Variants in DZANK1 observed in about 807,000 individuals in gnomAD.
DZANK1 encodes double zinc ribbon and ankyrin repeat domains 1, also known as double zinc ribbon and ankyrin repeat-containing protein 1.
A neutral mutation model predicts 94.5 loss-of-function variants in DZANK1; 91 were observed. The observed-to-expected ratio is 0.96, with a 90% CI of 0.81 to 1.15. The LOEUF (loss-of-function observed/expected upper bound fraction) is 1.15, where lower values mean the gene tolerates loss of function less well. DZANK1 is among the 50% of genes most tolerant of loss of function. The pLI is 0.00. For missense variants in DZANK1, 903 were observed against 916.4 expected (o/e 0.99, Z 0.19); for synonymous variants, 312 against 325.3 (o/e 0.96, Z 0.44).
At position 18,433,949 on chromosome 20, in the gene DZANK1, T is replaced by G. The variant is rs547934319; in HGVS notation, c.748-184A>C. The G allele has an allele frequency of 5.9e-5, 33 of 556,208 alleles. 1 individual carries two copies. The South Asian group carries it at 8.6e-4, about 14-fold the overall frequency. The allele number at this position is 556,208 out of a possible 1,614,324, so 34.5% of individuals were successfully genotyped here. ...GGAAGAATGTAAAGTTTGATTTGTT[T>G]TTGTAAAACAATTTTTTAAATAATT... On this transcript the variant is annotated intron_variant, in intron 8 of 20. Transcript: ENST00000262547.
At chr20:18,385,606 C>T (rs1336042285) in intron 19 of DZANK1, among the ~76,000 whole-genome samples, 2 of 152,092 alleles carry the variant, frequency 1.3e-5, no homozygotes, top group Middle Eastern at 3.4e-3. Flanking sequence ...TTAATAGAGA[C>T]GGGGTTTCAC....
At chr20:18,439,210 T>C (rs2058640064) in intron 8 of DZANK1, among the ~76,000 whole-genome samples, 1 of 152,208 alleles carries the variant, frequency 6.6e-6, no homozygotes, top group Admixed American at 6.5e-5. Flanking sequence ...TTTGGGCATT[T>C]CCTTTTCCCC....
intron 6 of DZANK1, among the ~76,000 whole-genome samples, chr20:18,450,154 C>T (rs1309359611): frequency 1.3e-5 from 2 of 152,192 alleles, no homozygotes; most frequent in South Asian, 4.1e-4. Flanking sequence ...TTCTCAAAAA[C>T]TGTATCTCTA....
intron 19 of DZANK1, among the ~76,000 whole-genome samples, chr20:18,386,934 T>C (rs1568862214): frequency 6.6e-6 from 1 of 152,222 alleles, no homozygotes; most frequent in Non-Finnish European, 1.5e-5. Context: ...GGCTATGCTG[T>C]GTGCCAGTGT....
chr20:18,436,324 G>T (rs982013596), intron 8 of DZANK1, among the ~76,000 whole-genome samples: 1 of 150,654 alleles, frequency 6.6e-6, no homozygotes, highest in African/African-American at 2.4e-5. Flanking sequence ...GGCGCCTGTA[G>T]TCCCAGCTAC....
At chr20:18,448,909 G>GT (rs2058988682) in intron 7 of DZANK1, 75 bp downstream of exon 7, 1 of 1,134,878 alleles carries the variant, frequency 8.8e-7, no homozygotes, top group Non-Finnish European at 1.3e-6. Flanking sequence ...CAAAAATGTC[G>GT]TATCTTTAAA....
intron 10 of DZANK1, among the ~76,000 whole-genome samples, chr20:18,418,700 C>T (rs2057619597): frequency 6.6e-6 from 1 of 151,974 alleles, no homozygotes; most frequent in South Asian, 2.1e-4. Flanking sequence ...CAAAATTGAT[C>T]CTAAGATGAA....
At chr20:18,453,983 A>G (rs1357866265) in intron 4 of DZANK1, 156 bp from the exon 5 acceptor site, 1 of 745,086 alleles carries the variant, frequency 1.3e-6, no homozygotes, top group African/African-American at 1.7e-5. Context: ...TTCTGGAAAC[A>G]TGCAGCTTTG....
intron 9 of DZANK1, chr20:18,433,170 A>G (rs1172895575): frequency 6.3e-6 from 1 of 158,672 alleles, no homozygotes; most frequent in Non-Finnish European, 1.4e-5. Context: ...TATAGATCCT[A>G]TTGGCAAATT....
intron 8 of DZANK1, among the ~76,000 whole-genome samples, chr20:18,435,719 AC>A (rs2058493292): frequency 6.6e-6 from 1 of 152,036 alleles, no homozygotes; most frequent in Non-Finnish European, 1.5e-5. Context: ...TATGTAACAA[AC>A]CTGCATGTTC....
chr20:18,448,866 CAAAAAAAA>C, intron 7 of DZANK1, 110 bp downstream of exon 7: 4 of 470,128 alleles, frequency 8.5e-6, no homozygotes, highest in Non-Finnish European at 1.0e-5. Flanking sequence ...GACTCCGTCT[CAAAAAAAA>C]AAAAAAAAAA....
At chr20:18,437,730 G>A (rs1223468404) in intron 8 of DZANK1, among the ~76,000 whole-genome samples, 2 of 152,014 alleles carry the variant, frequency 1.3e-5, no homozygotes, top group South Asian at 2.1e-4. Context: ...TTACATGCCT[G>A]TATCAAAACA....
chr20:18,415,932 T>C (rs1056578167), intron 10 of DZANK1, among the ~76,000 whole-genome samples: 1 of 152,152 alleles, frequency 6.6e-6, no homozygotes, highest in African/African-American at 2.4e-5. Flanking sequence ...AATTGTTTTG[T>C]GAGAATTCCT....
chr20:18,409,604 C>G (rs1337445091), intron 13 of DZANK1, among the ~76,000 whole-genome samples: 4 of 151,164 alleles, frequency 2.6e-5, no homozygotes, highest in African/African-American at 4.9e-5. Context: ...ACCATCACCA[C>G]CAGTAAAGGT....
At chr20:18,390,879 G>A (rs1321546972) in intron 17 of DZANK1, among the ~76,000 whole-genome samples, 2 of 152,110 alleles carry the variant, frequency 1.3e-5, no homozygotes, top group African/African-American at 4.8e-5. Flanking sequence ...AGGAACGAAT[G>A]AGCCAATAAA....
chr20:18,452,942 G>T (rs2059156353), intron 5 of DZANK1, among the ~76,000 whole-genome samples: 1 of 152,172 alleles, frequency 6.6e-6, no homozygotes, highest in African/African-American at 2.4e-5. Context: ...AGACTGAGAA[G>T]ATCATCTTCC....
exon 12 of DZANK1, chr20:18,414,426 A>G (rs776713371): frequency 1.4e-5 from 23 of 1,613,898 alleles, no homozygotes; most frequent in Non-Finnish European, 1.4e-5. Context: ...ACTTCACACA[A>G]ATACCACAGG....
intron 9 of DZANK1, among the ~76,000 whole-genome samples, chr20:18,432,256 G>T (rs983912439): frequency 6.6e-6 from 1 of 152,206 alleles, no homozygotes; most frequent in Non-Finnish European, 1.5e-5. Context: ...AGAGTTTGCA[G>T]TGATATTATC....
chr20:18,405,619 T>G (rs1013301631), intron 13 of DZANK1, among the ~76,000 whole-genome samples: 1 of 152,196 alleles, frequency 6.6e-6, no homozygotes, highest in African/African-American at 2.4e-5. Flanking sequence ...CTCAAAAAGC[T>G]GGAGGTGGAG....
Sources: allele counts gnomAD v4.1 joint callset (sites outside exome capture counted in the v4.1 genomes callset), GRCh38; gene constraint gnomAD v4.1.1; transcripts MANE v1.5; gene names NCBI Gene and HGNC (gene_info 2026-07-23, HGNC 2026-07-21).